PECR: variants seen among roughly 807,000 people sequenced by gnomAD.
The protein encoded by PECR is peroxisomal trans-2-enoyl-CoA reductase, also known as 2,4-dienoyl-CoA reductase-related protein.
Under a neutral mutation model 35.3 loss-of-function variants are expected in PECR, and 30 were observed. That is an observed-to-expected ratio of 0.85 (90% CI 0.64 to 1.15). The LOEUF (loss-of-function observed/expected upper bound fraction) is 1.15, where lower values mean the gene tolerates loss of function less well. PECR is among the 50% of genes most tolerant of loss of function. The probability of loss-of-function intolerance (pLI) is 0.00; values close to 1 mark genes in which losing one functional copy is unlikely to be tolerated. For synonymous variants in PECR, 148 were observed against 138.9 expected (o/e 1.07, Z -0.46); for missense variants, 392 against 370.8 (o/e 1.06, Z -0.47).
At chr2:216,050,794 G>C (rs1390595546) in intron 5 of PECR, 2 of 150,592 alleles carry the variant, frequency 1.3e-5, no homozygotes, top group African/African-American at 4.9e-5. Flanking sequence ...CCAGCTACTT[G>C]GGAGGCTGAG....
At chr2:216,064,930 A>G (rs1033668546) in intron 3 of PECR, among the ~76,000 whole-genome samples, 5 of 152,222 alleles carry the variant, frequency 3.3e-5, no homozygotes, top group African/African-American at 4.8e-5. Context: ...GTTAGAGAGC[A>G]TACAGACTCT....
intron 1 of PECR, among the ~76,000 whole-genome samples, chr2:216,068,571 C>A (rs544952034): frequency 6.6e-6 from 1 of 152,036 alleles, no homozygotes; most frequent in Non-Finnish European, 1.5e-5. Flanking sequence ...GGAAGTCCTT[C>A]AAGTAGAAGG....
intron 1 of PECR, among the ~76,000 whole-genome samples, chr2:216,067,964 C>T (rs1695500233): frequency 6.6e-6 from 1 of 151,982 alleles, no homozygotes; most frequent in Non-Finnish European, 1.5e-5. Context: ...CGCAGTGGCT[C>T]ACACCTGTAA....
intron 1 of PECR, among the ~76,000 whole-genome samples, chr2:216,072,589 CT>C (rs1695611901): frequency 6.6e-6 from 1 of 152,156 alleles, no homozygotes; most frequent in South Asian, 2.1e-4. Flanking sequence ...TGTACCCACT[CT>C]TTAGCTCCCA....
chr2:216,068,990 C>T (rs1458143134), intron 1 of PECR, among the ~76,000 whole-genome samples: 1 of 152,020 alleles, frequency 6.6e-6, no homozygotes, highest in African/African-American at 2.4e-5. Context: ...AAATGATTCC[C>T]TCCTTCTCCT....
downstream of PECR, among the ~76,000 whole-genome samples, chr2:216,034,524 C>T (rs2105937956): frequency 6.6e-6 from 1 of 152,150 alleles, no homozygotes; most frequent in East Asian, 1.9e-4. Context: ...TTTTTTCCTA[C>T]CCAATTCCCT....
At chr2:216,050,703 C>G (rs542429546) in intron 5 of PECR, 14 of 152,368 alleles carry the variant, frequency 9.2e-5, no homozygotes, top group African/African-American at 3.1e-4. Context: ...GAGATCGAGA[C>G]CACGCTGGCT....
intron 6 of PECR, among the ~76,000 whole-genome samples, chr2:216,046,504 G>C (rs866194259): frequency 6.6e-6 from 1 of 151,572 alleles, no homozygotes; most frequent in Admixed American, 6.6e-5. Context: ...TATAGACGGG[G>C]TTTCGCCATG....
At chr2:216,046,323 T>TGTTTGTTTGTTTTG (rs1559209256) in intron 6 of PECR, among the ~76,000 whole-genome samples, 1 of 140,222 alleles carries the variant, frequency 7.1e-6, no homozygotes, top group African/African-American at 2.7e-5. Context: ...TTTTTTTTTT[T>TGTTTGTTTGTTTTG]TTTTTTTGAG....
At chr2:216,070,335 A>T (rs10200761) in intron 1 of PECR, among the ~76,000 whole-genome samples, 22,674 of 152,068 alleles carry the variant, frequency 0.15, 3,488 homozygotes, top group African/African-American at 0.39. Flanking sequence ...CTATTCTCGG[A>T]ATTTTGAAAT....
chr2:216,059,995 A>G (rs949616739), intron 3 of PECR, among the ~76,000 whole-genome samples: 6 of 152,198 alleles, frequency 3.9e-5, no homozygotes, highest in Admixed American at 3.9e-4. Flanking sequence ...TAACACATTA[A>G]CAATATTGGA....
At chr2:216,034,450 C>T (rs574679308), downstream of PECR, among the ~76,000 whole-genome samples, 1 of 152,254 alleles carries the variant, frequency 6.6e-6, no homozygotes, top group East Asian at 1.9e-4. Flanking sequence ...GGTGACTTTG[C>T]CTTGAGGACT....
At chr2:216,029,969 T>A (rs557576155) in intron 7 of PECR, among the ~76,000 whole-genome samples, 1 of 152,366 alleles carries the variant, frequency 6.6e-6, no homozygotes, top group East Asian at 1.9e-4. Flanking sequence ...GGTGGTCACA[T>A]GGGCTTCTCA....
chr2:216,056,119 C>A (rs146743146), intron 4 of PECR, among the ~76,000 whole-genome samples: 1 of 152,142 alleles, frequency 6.6e-6, no homozygotes, highest in African/African-American at 2.4e-5. Flanking sequence ...TAGTTGTAGA[C>A]TCCCTCAGAG....
intron 6 of PECR, among the ~76,000 whole-genome samples, chr2:216,046,308 A>ATTTTT (rs1413493863): frequency 2.7e-5 from 3 of 112,126 alleles, no homozygotes; most frequent in African/African-American, 1.3e-4. Flanking sequence ...ATATATATAT[A>ATTTTT]TATTTTTTTT....
intron 1 of PECR, among the ~76,000 whole-genome samples, chr2:216,075,712 C>T (rs1158963400): frequency 6.6e-6 from 1 of 152,134 alleles, no homozygotes; most frequent in Admixed American, 6.5e-5. Context: ...CAGTATGCTG[C>T]GTTCCTGCTT....
chr2:216,068,180 C>T (rs190769453), intron 1 of PECR, among the ~76,000 whole-genome samples: 2 of 139,764 alleles, frequency 1.4e-5, no homozygotes, highest in Admixed American at 7.5e-5. Flanking sequence ...GAGCTGAGAT[C>T]GCCCCACTGC....
Position 216,051,507 on chromosome 2 carries a change from G to A in PECR, c.545C>T (p.Thr182Ile). The part of the protein sequence containing the change: ...GAARAGVYNL[T>I]KSLALEWACS... The stretch of plus-strand genomic sequence containing the variant: ...GGCCCATTCCAAAGCTAAAGATTTG[G>A]TGAGGTTGTAAACACCTGCTCTTGC... The change falls in exon 5 of 8, where the codon ACC (threonine) becomes ATC (isoleucine). Residue 182 changes from threonine (T) to isoleucine (I), a missense_variant. Physicochemically the swap from Thr to Ile is moderately conservative, Grantham distance 89. Transcript: ENST00000265322. 1 of 1,613,228 alleles carries A rather than the reference G, an allele frequency of 6.2e-7. No individual in the cohort carries two copies. The highest frequency in any genetic ancestry group is 1.7e-5 in the Admixed American group (1 of 60,014).
At chr2:216,063,525 G>A (rs1317809366) in intron 3 of PECR, among the ~76,000 whole-genome samples, 2 of 151,990 alleles carry the variant, frequency 1.3e-5, no homozygotes, top group African/African-American at 2.4e-5. Context: ...GGCTGAGGCA[G>A]GAAAATTGCT....
Sources: allele counts gnomAD v4.1 joint callset (sites outside exome capture counted in the v4.1 genomes callset), GRCh38; gene constraint gnomAD v4.1.1; transcripts MANE v1.5; gene names NCBI Gene and HGNC (gene_info 2026-07-23, HGNC 2026-07-21).